CLVS1: variants seen among roughly 807,000 people sequenced by gnomAD.
CLVS1 encodes clavesin-1.
CLVS1 carries 10 observed loss-of-function variants against 33.1 expected under a neutral mutation model. The ratio of observed to expected loss-of-function variants is 0.30; its 90% CI spans 0.19 to 0.51. The LOEUF (loss-of-function observed/expected upper bound fraction) is 0.51. Ranked by LOEUF, CLVS1 falls within the 20% of genes least tolerant of loss-of-function variation. The pLI, the probability that CLVS1 is intolerant of heterozygous loss-of-function variation, is 0.97. For missense variants in CLVS1, 343 were observed against 433.4 expected, an observed-to-expected ratio of 0.79 and a Z score of 1.85; for synonymous variants, 163 against 166.1, an observed-to-expected ratio of 0.98 and a Z score of 0.14.
the CLVS1 span, among the ~76,000 whole-genome samples, chr8:61,006,622 G>A: frequency 6.6e-6 from 1 of 152,206 alleles, no homozygotes; most frequent in Non-Finnish European, 1.5e-5. Flanking sequence ...AACGTGCAAT[G>A]TGCTTCCATT....
At chr8:61,021,215 A>G in the CLVS1 span, among the ~76,000 whole-genome samples, 60 of 152,254 alleles carry the variant, frequency 3.9e-4, no homozygotes, top group Admixed American at 3.7e-3. Flanking sequence ...CCAAGGGCCA[A>G]TGGAGGAGTC....
At chr8:61,377,216 T>A in intron 3 of CLVS1, 1 of 155,080 alleles carries the variant, frequency 6.4e-6, no homozygotes, top group Admixed American at 6.4e-5. Context: ...TGCGCTTAAG[T>A]GGATCACTTC....
At chr8:61,035,117 G>T in the CLVS1 span, among the ~76,000 whole-genome samples, 1 of 151,190 alleles carries the variant, frequency 6.6e-6, no homozygotes, top group East Asian at 1.9e-4. Context: ...GGTGCAAATT[G>T]TATCAAGCAA....
At chr8:61,231,144 T>C (rs1019678734) in intron 2 of CLVS1, among the ~76,000 whole-genome samples, 1 of 152,124 alleles carries the variant, frequency 6.6e-6, no homozygotes, top group Non-Finnish European at 1.5e-5. Context: ...AGGCTGACTA[T>C]CCTAAAAGCT....
intron 1 of CLVS1, among the ~76,000 whole-genome samples, chr8:61,129,261 T>A (rs1394740802): frequency 1.3e-5 from 2 of 152,190 alleles, no homozygotes; most frequent in Non-Finnish European, 2.9e-5. Context: ...AAAGGCAGAG[T>A]GGAAACTTTT....
chr8:61,371,681 T>A (rs1479140149), intron 2 of CLVS1, among the ~76,000 whole-genome samples: 1 of 152,238 alleles, frequency 6.6e-6, no homozygotes, highest in African/African-American at 2.4e-5. Flanking sequence ...GGCCATGTTT[T>A]GAAATTTGAA....
chr8:61,458,444 C>G lies in CLVS1; in HGVS notation c.879C>G (p.Ser293Arg). The G allele has an allele frequency of 6.2e-7, 1 of 1,614,024 alleles. No individual in the cohort carries two copies. Among genetic ancestry groups the G allele is most frequent in the Non-Finnish European group, 8.5e-7 (1 of 1,179,960 alleles). ...GGACGTTACTCGGTCCCGACTACAGCGATGAAAATGACTATACTCACACAT... is the reference window on the plus strand; with the variant it reads ...GGACGTTACTCGGTCCCGACTACAGGGATGAAAATGACTATACTCACACAT... ...WARTLLGPDY[S>R]DENDYTHTSY... is the part of the protein sequence containing the mutation. The change falls in exon 5 of 6, where the codon AGC becomes AGG. Residue 293 changes from serine (S) to arginine (R), a missense_variant. By Grantham distance (110) the Ser-to-Arg change is moderately radical (BLOSUM62 -1). Transcript: ENST00000325897.
intron 1 of CLVS1, among the ~76,000 whole-genome samples, chr8:61,297,785 G>A (rs1408020631): frequency 6.6e-6 from 1 of 152,098 alleles, no homozygotes; most frequent in African/African-American, 2.4e-5. Flanking sequence ...AGGGCTAGGT[G>A]ACAAATCAAG....
At chr8:61,431,780 C>T (rs1205451686) in intron 3 of CLVS1, among the ~76,000 whole-genome samples, 1 of 152,152 alleles carries the variant, frequency 6.6e-6, no homozygotes, top group African/African-American at 2.4e-5. Context: ...AGAGCAGGCA[C>T]TCGATATATA....
chr8:61,411,080 T>G (rs1382767441), intron 3 of CLVS1, among the ~76,000 whole-genome samples: 1 of 152,224 alleles, frequency 6.6e-6, no homozygotes, highest in African/African-American at 2.4e-5. Context: ...TATATCTGCA[T>G]TCTAGGCTGT....
chr8:61,134,784 G>T (rs943142188), intron 2 of CLVS1, among the ~76,000 whole-genome samples: 1 of 152,070 alleles, frequency 6.6e-6, no homozygotes, highest in Non-Finnish European at 1.5e-5. Context: ...CCCATCTCAG[G>T]CTAGTTGATG....
intron 5 of CLVS1, among the ~76,000 whole-genome samples, chr8:61,483,581 C>T (rs571279681): frequency 6.6e-6 from 1 of 152,328 alleles, no homozygotes; most frequent in Non-Finnish European, 1.5e-5. Context: ...AATATTTCCT[C>T]TCCCTAACAC....
intron 2 of CLVS1, among the ~76,000 whole-genome samples, chr8:61,226,831 A>G (rs936298486): frequency 2.0e-5 from 3 of 152,184 alleles, no homozygotes; most frequent in African/African-American, 7.2e-5. Context: ...CAGCGAGGAC[A>G]TCGGAAGGCA....
At chr8:61,208,552 G>T (rs1009347153) in intron 2 of CLVS1, among the ~76,000 whole-genome samples, 2 of 151,948 alleles carry the variant, frequency 1.3e-5, no homozygotes, top group Non-Finnish European at 2.9e-5. Context: ...ATATCTGCTG[G>T]ATAAGAAAAA....
intron 2 of CLVS1, among the ~76,000 whole-genome samples, chr8:61,209,730 T>C (rs1414168174): frequency 6.6e-6 from 1 of 151,874 alleles, no homozygotes; most frequent in African/African-American, 2.4e-5. Context: ...TGGATGTCAA[T>C]GCCTGTGATG....
intron 2 of CLVS1, among the ~76,000 whole-genome samples, chr8:61,368,483 C>T (rs751512802): frequency 4.6e-5 from 7 of 152,170 alleles, no homozygotes; most frequent in Non-Finnish European, 7.3e-5. Flanking sequence ...TGGACAAGAA[C>T]ATTACCCTTT....
At chr8:61,472,308 A>G (rs368318106) in intron 5 of CLVS1, among the ~76,000 whole-genome samples, 3 of 152,224 alleles carry the variant, frequency 2.0e-5, no homozygotes, top group East Asian at 1.9e-4. Flanking sequence ...CCTAGTATAT[A>G]ATAGGTGCTC....
chr8:61,184,627 A>AG (rs1211400618), intron 2 of CLVS1, among the ~76,000 whole-genome samples: 8 of 152,264 alleles, frequency 5.3e-5, no homozygotes, highest in African/African-American at 1.9e-4. Flanking sequence ...TAGGCTGGAG[A>AG]GCCAGCAAAA....
chr8:61,103,606 G>T (rs1256493530), intron 1 of CLVS1, among the ~76,000 whole-genome samples: 1 of 152,144 alleles, frequency 6.6e-6, no homozygotes. Flanking sequence ...AGGAAAACAG[G>T]ACCTTAAGGA....
Sources: gnomAD v4.1 joint callset for allele counts (sites outside exome capture counted in the v4.1 genomes callset) on GRCh38, gnomAD v4.1.1 for gene constraint, MANE v1.5 for transcripts, NCBI Gene and HGNC (gene_info 2026-07-23, HGNC 2026-07-21) for gene names.